Variants in LRP1B observed in about 807,000 individuals in gnomAD.
The protein encoded by LRP1B is low-density lipoprotein receptor-related protein 1B.
LRP1B carries 217 observed loss-of-function variants against 556.6 expected under a neutral mutation model. The observed-to-expected ratio is 0.39, with a 90% CI of 0.35 to 0.44. The LOEUF (loss-of-function observed/expected upper bound fraction) is 0.44. Among genes scored for constraint, LRP1B ranks in the 20% least tolerant of loss-of-function variants. The pLI is 1.00. For synonymous variants in LRP1B, 2,047 were observed against 1,865.8 expected, an observed-to-expected ratio of 1.10 and a Z score of -2.50; for missense variants, 5,053 against 5,620.8, an observed-to-expected ratio of 0.90 and a Z score of 3.23.
chr2:141,355,756 C>A (rs1688605286), intron 3 of LRP1B, among the ~76,000 whole-genome samples: 1 of 151,528 alleles, frequency 6.6e-6, no homozygotes, highest in Admixed American at 6.6e-5. Context: ...TAATCTATCT[C>A]CTAGAATTTT....
At position 141,005,405 on chromosome 2, in the gene LRP1B, A is replaced by G. The variant is rs776673965; in HGVS notation, c.2433T>C (p.Ala811=). 1.2e-6 allele frequency: 2 copies of G among 1,611,614 alleles called. No individual in the cohort carries two copies. The highest frequency in any genetic ancestry group is 4.5e-5 in the East Asian group (2 of 44,718). Residue 811 remains alanine (A), a synonymous_variant, in exon 15 of 91, where the codon GCT becomes GCC. Transcript: ENST00000389484. ...NNGGCSTLCL[A]IPGGRVCACA... ...AAGCACACACCCGGCCTCCTGGGATAGCCAAGCAAAGTGTACTACAGCCCC... is the reference window on the plus strand; with the variant it reads ...AAGCACACACCCGGCCTCCTGGGATGGCCAAGCAAAGTGTACTACAGCCCC...
At chr2:141,001,486 C>G (rs114651387) in intron 15 of LRP1B, among the ~76,000 whole-genome samples, 1 of 152,058 alleles carries the variant, frequency 6.6e-6, no homozygotes, top group African/African-American at 2.4e-5. Context: ...CACCTCACAA[C>G]AGGCGCCAGT....
intron 11 of LRP1B, among the ~76,000 whole-genome samples, chr2:141,045,439 AATT>A (rs1698840909): frequency 7.2e-5 from 4 of 55,860 alleles, no homozygotes; most frequent in Admixed American, 2.5e-4. Context: ...TAAATAAATT[AATT>A]AATTAATTAA....
At chr2:141,057,243 A>C (rs190081096) in intron 9 of LRP1B, among the ~76,000 whole-genome samples, 70 of 152,048 alleles carry the variant, frequency 4.6e-4, no homozygotes, top group Middle Eastern at 3.4e-3. Flanking sequence ...AAGTATAAGC[A>C]AAAGTTTTTT....
At chr2:141,276,658 C>CTTTCTTTCTTTCT (rs61184600) in intron 3 of LRP1B, among the ~76,000 whole-genome samples, 34 of 122,920 alleles carry the variant, frequency 2.8e-4, no homozygotes, top group Admixed American at 1.4e-3. Context: ...TTCTTTCTTT[C>CTTTCTTTCTTTCT]TTTTTTTTTT....
chr2:142,108,362 A>G (rs867095874), intron 1 of LRP1B, among the ~76,000 whole-genome samples: 2 of 152,144 alleles, frequency 1.3e-5, no homozygotes, highest in Non-Finnish European at 2.9e-5. Context: ...TAAAAAATCT[A>G]TAGGATCAGT....
At chr2:141,176,090 C>T (rs1192212430) in intron 7 of LRP1B, among the ~76,000 whole-genome samples, 5 of 151,950 alleles carry the variant, frequency 3.3e-5, no homozygotes, top group African/African-American at 4.8e-5. Context: ...TTGGATATAA[C>T]GAATTTGTTT....
Position 141,235,983 on chromosome 2 carries a change from T to C in LRP1B, c.593-6543A>G, listed in dbSNP as rs540046881. ...GGCTGCAATGGGAAGCCAGTGTTAATTTTAGAAATACAGTATAATGTGATC... is the reference window on the plus strand; with the variant it reads ...GGCTGCAATGGGAAGCCAGTGTTAACTTTAGAAATACAGTATAATGTGATC... On this transcript the variant is annotated intron_variant, in intron 5 of 90. Transcript: ENST00000389484. Among the ~76,000 whole-genome samples, 9 of 152,258 alleles carry C rather than the reference T, an allele frequency of 5.9e-5. No individual in the cohort carries two copies. In the South Asian group the frequency reaches 1.9e-3, roughly 32 times the overall value.
At chr2:140,583,094 T>C (rs1681836164) in intron 43 of LRP1B, among the ~76,000 whole-genome samples, 1 of 151,968 alleles carries the variant, frequency 6.6e-6, no homozygotes, top group Non-Finnish European at 1.5e-5. Flanking sequence ...TAGGATTCTG[T>C]TGGCATCTTC....
At chr2:140,997,374 CTT>C (rs945048190) in intron 15 of LRP1B, among the ~76,000 whole-genome samples, 1 of 150,384 alleles carries the variant, frequency 6.6e-6, no homozygotes, top group African/African-American at 2.4e-5. Flanking sequence ...TGCTAATAAA[CTT>C]TTTTTTTTTT....
intron 2 of LRP1B, among the ~76,000 whole-genome samples, chr2:141,619,940 A>G (rs538635028): frequency 6.6e-6 from 1 of 152,286 alleles, no homozygotes; most frequent in Non-Finnish European, 1.5e-5. Flanking sequence ...GCTACTTATA[A>G]TTGGCTATTT....
At chr2:140,455,631 C>T (rs1687071018) in intron 62 of LRP1B, among the ~76,000 whole-genome samples, 2 of 152,122 alleles carry the variant, frequency 1.3e-5, no homozygotes, top group Admixed American at 6.6e-5. Context: ...ATGTATGATA[C>T]TCCTAAATCT....
chr2:140,472,655 T>C (rs1471993770), intron 60 of LRP1B, among the ~76,000 whole-genome samples: 1 of 152,068 alleles, frequency 6.6e-6, no homozygotes, highest in African/African-American at 2.4e-5. Flanking sequence ...ACAGAATTTT[T>C]AGAAACCTCA....
At chr2:140,782,645 G>A (rs1689740882) in intron 32 of LRP1B, among the ~76,000 whole-genome samples, 1 of 151,948 alleles carries the variant, frequency 6.6e-6, no homozygotes, top group African/African-American at 2.4e-5. Context: ...GGAATTAATG[G>A]ATTATTTTAA....
At chr2:141,921,519 T>C (rs964828903) in intron 1 of LRP1B, among the ~76,000 whole-genome samples, 1 of 152,008 alleles carries the variant, frequency 6.6e-6, no homozygotes, top group African/African-American at 2.4e-5. Flanking sequence ...ACAATCTCTA[T>C]GGAATGTTCT....
intron 7 of LRP1B, among the ~76,000 whole-genome samples, chr2:141,187,248 C>T (rs1422785778): frequency 6.6e-6 from 1 of 152,048 alleles, no homozygotes; most frequent in African/African-American, 2.4e-5. Context: ...TATTACACAG[C>T]CTTCCCAGCA....
intron 3 of LRP1B, among the ~76,000 whole-genome samples, chr2:141,441,852 C>A (rs4507039): frequency 0.21 from 31,793 of 152,062 alleles, 3,855 homozygotes; most frequent in South Asian, 0.36. Context: ...AGTGTGTTGA[C>A]CAGAGAAATC....
intron 2 of LRP1B, 93 bp downstream of exon 2, chr2:141,810,186 A>AAAGAAAGAAAGAAAGAAAG: frequency 1.9e-6 from 2 of 1,031,004 alleles, no homozygotes; most frequent in Non-Finnish European, 2.7e-6. Context: ...AGAAAGAAAG[A>AAAGAAAGAAAGAAAGAAAG]ATCATCTAGA....
At chr2:141,335,014 A>G (rs1156646308) in intron 3 of LRP1B, among the ~76,000 whole-genome samples, 2 of 152,242 alleles carry the variant, frequency 1.3e-5, no homozygotes, top group East Asian at 3.8e-4. Flanking sequence ...TTGTTGATTA[A>G]GACACTGAAT....
Sources: allele counts gnomAD v4.1 joint callset (sites outside exome capture counted in the v4.1 genomes callset), GRCh38; gene constraint gnomAD v4.1.1; transcripts MANE v1.5; gene names NCBI Gene and HGNC (gene_info 2026-07-23, HGNC 2026-07-21).